Variants in DLGAP2 observed in about 807,000 individuals in gnomAD.
The protein encoded by DLGAP2 is disks large-associated protein 2.
A neutral mutation model predicts 100.3 loss-of-function variants in DLGAP2; 26 were observed. The ratio of observed to expected loss-of-function variants is 0.26; its 90% CI spans 0.19 to 0.36. The LOEUF is 0.36. Ranked by LOEUF, DLGAP2 falls within the 10% of genes least tolerant of loss-of-function variation. The pLI is 1.00. For synonymous variants in DLGAP2, 886 were observed against 630.1 expected (o/e 1.41, Z -6.08); for missense variants, 1,858 against 1,453.2 (o/e 1.28, Z -4.53).
intron 6 of DLGAP2, among the ~76,000 whole-genome samples, chr8:1,619,267 T>C (rs1797253429): frequency 6.6e-6 from 1 of 152,224 alleles, no homozygotes; most frequent in African/African-American, 2.4e-5. Flanking sequence ...GAAAACTTTA[T>C]TGGGATACAC....
intron 3 of DLGAP2, among the ~76,000 whole-genome samples, chr8:1,276,907 A>C (rs1293286620): frequency 1.3e-5 from 2 of 152,230 alleles, no homozygotes; most frequent in Non-Finnish European, 2.9e-5. Context: ...GAATGTCATG[A>C]GCAAGGAATA....
At chr8:1,572,977 G>C (rs1802798744) in intron 6 of DLGAP2, among the ~76,000 whole-genome samples, 1 of 130,020 alleles carries the variant, frequency 7.7e-6, no homozygotes, top group South Asian at 2.9e-4. Flanking sequence ...GGAGAGGAGA[G>C]AGGGTGAACT....
chr8:1,202,042 GTATC>G (rs144868542), intron 2 of DLGAP2, among the ~76,000 whole-genome samples: 15,150 of 145,904 alleles, frequency 0.1, 827 homozygotes, highest in East Asian at 0.21. Flanking sequence ...CACATGTGCA[GTATC>G]TATCTGTGTG....
chr8:883,646 G>A (rs559548066), intron 1 of DLGAP2, among the ~76,000 whole-genome samples: 4 of 151,518 alleles, frequency 2.6e-5, no homozygotes, highest in Non-Finnish European at 4.4e-5. Flanking sequence ...CGCGGGTGCC[G>A]CGGCGGTTCG....
chr8:1,694,601 A>C (rs1030466082), intron 13 of DLGAP2, among the ~76,000 whole-genome samples: 1 of 152,046 alleles, frequency 6.6e-6, no homozygotes, highest in Non-Finnish European at 1.5e-5. Flanking sequence ...TGTCCCCAGA[A>C]ACTTAGTCTC....
intron 2 of DLGAP2, among the ~76,000 whole-genome samples, chr8:924,051 G>A (rs917534225): frequency 1.3e-5 from 2 of 152,176 alleles, no homozygotes; most frequent in Non-Finnish European, 2.9e-5. Context: ...AGCATCCATT[G>A]CGTATTGATG....
intron 2 of DLGAP2, among the ~76,000 whole-genome samples, chr8:964,625 G>A (rs545562277): frequency 2.6e-5 from 4 of 152,336 alleles, no homozygotes; most frequent in African/African-American, 7.2e-5. Context: ...TCCCATCCTG[G>A]GGCCTCGGCC....
intron 7 of DLGAP2, among the ~76,000 whole-genome samples, chr8:1,630,477 T>C (rs186151319): frequency 6.6e-6 from 1 of 151,934 alleles, no homozygotes; most frequent in Non-Finnish European, 1.5e-5. Flanking sequence ...CCGAGGTGGG[T>C]GGATCACGAG....
At chr8:1,201,049 A>G (rs1797861911) in intron 2 of DLGAP2, among the ~76,000 whole-genome samples, 1 of 152,086 alleles carries the variant, frequency 6.6e-6, no homozygotes, top group African/African-American at 2.4e-5. Flanking sequence ...GTGTGGCGTG[A>G]GCGGCCAGGC....
chr8:1,433,966 T>C (rs1051566499), intron 3 of DLGAP2, among the ~76,000 whole-genome samples: 2 of 152,072 alleles, frequency 1.3e-5, no homozygotes, highest in African/African-American at 2.4e-5. Flanking sequence ...CAAGATTCTT[T>C]ATGTAAATGT....
intron 6 of DLGAP2, among the ~76,000 whole-genome samples, chr8:1,582,063 A>C (rs182760163): frequency 3.3e-5 from 5 of 150,890 alleles, no homozygotes; most frequent in East Asian, 2.0e-4. Flanking sequence ...AACTACCAGA[A>C]GTGAAGGATA....
chr8:1,108,395 C>T (rs1271735776), intron 2 of DLGAP2, among the ~76,000 whole-genome samples: 2 of 152,148 alleles, frequency 1.3e-5, no homozygotes, highest in African/African-American at 4.8e-5. Context: ...CGTTGCAGGG[C>T]GGCCTGTGAT....
At chr8:1,107,118 A>C (rs945668966) in intron 2 of DLGAP2, among the ~76,000 whole-genome samples, 2 of 152,196 alleles carry the variant, frequency 1.3e-5, no homozygotes, top group Admixed American at 1.3e-4. Flanking sequence ...GCGGTATCAC[A>C]CACGCATCAA....
At position 757,040 on chromosome 8, in the gene DLGAP2, G is replaced by A. The variant is rs192036998; in HGVS notation, c.18+19215G>A. ...GCTGTTTCCGTGCAGTTCCCTGTTC[G>A]TGGCTCCCTGTTTCCCGCCATGGGG... On this transcript the variant is annotated intron_variant, in intron 1 of 14. Transcript: ENST00000637795. Among the ~76,000 whole-genome samples the A allele has an allele frequency of 6.8e-4, 104 of 152,216 alleles. No individual in the cohort carries two copies. In the East Asian group the frequency reaches 0.01, roughly 15 times the overall value.
At chr8:1,085,713 C>T (rs537776791) in intron 2 of DLGAP2, among the ~76,000 whole-genome samples, 1 of 152,258 alleles carries the variant, frequency 6.6e-6, no homozygotes, top group South Asian at 2.1e-4. Context: ...ATTCCTCTAG[C>T]TTTGCTACTT....
intron 3 of DLGAP2, among the ~76,000 whole-genome samples, chr8:1,444,771 C>CTTTTT (rs914045708): frequency 2.2e-3 from 173 of 79,812 alleles, no homozygotes; most frequent in African/African-American, 3.0e-3. Context: ...CCAGGTCATT[C>CTTTTT]TTTTTTTTTT....
chr8:1,318,537 C>T (rs183187255), intron 3 of DLGAP2, among the ~76,000 whole-genome samples: 4 of 151,134 alleles, frequency 2.6e-5, no homozygotes, highest in African/African-American at 9.7e-5. Context: ...TAGGCCTCCA[C>T]AGGAGGCCTG....
intron 4 of DLGAP2, among the ~76,000 whole-genome samples, chr8:1,505,415 A>G (rs963388765): frequency 2.0e-5 from 3 of 152,210 alleles, no homozygotes; most frequent in Admixed American, 1.3e-4. Context: ...CAGTCTTCAA[A>G]AGCTCCAAGG....
At chr8:877,360 G>T (rs895439000) in intron 1 of DLGAP2, among the ~76,000 whole-genome samples, 7 of 152,154 alleles carry the variant, frequency 4.6e-5, no homozygotes, top group Non-Finnish European at 1.0e-4. Context: ...TAGACTCTCT[G>T]CCCTGTCCCC....
Sources: gnomAD v4.1 joint callset for allele counts (sites outside exome capture counted in the v4.1 genomes callset) on GRCh38, gnomAD v4.1.1 for gene constraint, MANE v1.5 for transcripts, NCBI Gene and HGNC (gene_info 2026-07-23, HGNC 2026-07-21) for gene names.